Variants in TBC1D9B observed in about 807,000 individuals in gnomAD.
TBC1D9B encodes TBC1 domain family member 9B, also known as TBC1 domain family, member 9B (with GRAM domain).
In TBC1D9B, 87 loss-of-function variants were observed where a neutral mutation model predicts 121.1. The observed-to-expected ratio is 0.72, with a 90% CI of 0.60 to 0.86. The LOEUF (loss-of-function observed/expected upper bound fraction) is 0.86. Ranked by LOEUF, TBC1D9B falls within the 40% of genes least tolerant of loss-of-function variation. TBC1D9B has a pLI of 0.00. For missense variants in TBC1D9B, 1,540 were observed against 1,628.6 expected (o/e 0.95, Z 0.94); for synonymous variants, 668 against 670.1 (o/e 1.00, Z 0.05).
Position 179,890,645 on chromosome 5 carries a change from G to C in TBC1D9B, c.1044+734C>G, listed in dbSNP as rs1027606748. ...AATGGCAGGGAGGTCTTTAAGTTAAGAATCTCACTTGATTCTTCTTATAAT... is the reference window on the plus strand; with the variant it reads ...AATGGCAGGGAGGTCTTTAAGTTAACAATCTCACTTGATTCTTCTTATAAT... On this transcript the variant is annotated intron_variant, in intron 6 of 20. Transcript: ENST00000355235. This position sits in a 1 kb window ranked among gnomAD's most constrained non-coding sequence, Gnocchi z 5.0. Among the ~76,000 whole-genome samples the C allele has an allele frequency of 6.6e-6, 1 of 152,198 alleles. No homozygotes were observed. Among genetic ancestry groups the C allele is most frequent in the East Asian group, 1.9e-4 (1 of 5,198 alleles).
rs1042234243 is a variant in TBC1D9B, at chr5:179,863,227, T to C, written c.*221A>G. 1 of 573,820 alleles carries C rather than the reference T, an allele frequency of 1.7e-6. No homozygotes were observed. The highest frequency in any genetic ancestry group is 3.3e-5 in the Admixed American group (1 of 30,592). The allele number at this position is 573,820 out of a possible 1,614,324, so 35.5% of individuals were successfully genotyped here. A position where few individuals can be genotyped will look rare whatever the true frequency, so the allele number is the denominator to read the frequency against. On this transcript the variant is annotated 3_prime_UTR_variant, in exon 21 of 21. Transcript: ENST00000355235. This position sits in a 1 kb window ranked among gnomAD's most constrained non-coding sequence, Gnocchi z 4.5. The stretch of plus-strand genomic sequence containing the variant: ...TAAGGAAGGTGGGAGCCACAGCCTC[T>C]TCCTGGGCCCAGAAGCAGCCGGCGC...
chr5:179,862,739 TTTTA>T lies in TBC1D9B; in HGVS notation c.*705_*708del, dbSNP rs1484377577. ...ACAGCAAGGCATTGCACACAGTGGT[TTTTA>T]TTTCTTTCAGGGATTTATTAAGGCA... On this transcript the variant is annotated 3_prime_UTR_variant, in exon 21 of 21. Transcript: ENST00000355235. 2 of 374,684 alleles carry T rather than the reference TTTTA, an allele frequency of 5.3e-6. No homozygotes were observed. Among genetic ancestry groups the T allele is most frequent in the Non-Finnish European group, 5.6e-6 (1 of 178,414 alleles). The allele number at this position is 374,684 out of a possible 1,614,324, so 23.2% of individuals were successfully genotyped here.
chr5:179,889,212 G>C (rs1410083185), intron 6 of TBC1D9B, among the ~76,000 whole-genome samples: 2 of 152,010 alleles, frequency 1.3e-5, no homozygotes, highest in Non-Finnish European at 2.9e-5. Flanking sequence ...TGTATTTTTA[G>C]TAGAGACGGG....
Position 179,875,335 on chromosome 5 carries a change from G to A in TBC1D9B, c.1901-148C>T, listed in dbSNP as rs1013744843. 3 of 1,039,836 alleles carry A rather than the reference G, an allele frequency of 2.9e-6. No homozygotes were observed. The highest frequency in any genetic ancestry group is 1.6e-5 in the African/African-American group (1 of 62,122). The allele number at this position is 1,039,836 out of a possible 1,614,324, so 64.4% of individuals were successfully genotyped here. A position where few individuals can be genotyped will look rare whatever the true frequency, so the allele number is the denominator to read the frequency against. On this transcript the variant is annotated intron_variant, in intron 11 of 20. Transcript: ENST00000355235. The surrounding 1 kb of genome is among the most constrained non-coding windows in gnomAD (Gnocchi z 4.5). ...ACTTGGAGTGCTGGGAGAAAACAAG[G>A]ACGAAAAAACCCTTCAAGTCTCTCT...
intron 17 of TBC1D9B, chr5:179,869,516 T>C: frequency 1.5e-6 from 1 of 656,352 alleles, no homozygotes; most frequent in Non-Finnish European, 2.8e-6. Flanking sequence ...GCCTCCTCGG[T>C]GGGAGTTCTG....
chr5:179,865,302 C>T lies in TBC1D9B; in HGVS notation c.2973G>A (p.Glu991=). Residue 991 remains glutamate, a synonymous_variant, in exon 20 of 21, where the codon GAG becomes GAA. Transcript: ENST00000355235. This position sits in a 1 kb window ranked among gnomAD's most constrained non-coding sequence, Gnocchi z 5.1. ...TAATCGTCTCCTTCTGAGCCTCTTT[C>T]TCCTTGGCCCACATTCGAAGGTAGT... ...YRHYLRMWAK[E]KEAQKETIKD... is the part of the protein sequence containing the mutation. 6.2e-7 allele frequency: 1 copy of T among 1,614,144 alleles called. No individual in the cohort carries two copies. Among genetic ancestry groups the T allele is most frequent in the South Asian group, 1.1e-5 (1 of 91,082 alleles).
Position 179,907,707 on chromosome 5 carries a change from T to C in TBC1D9B, c.115A>G (p.Thr39Ala), listed in dbSNP as rs1761364945. Reference sequence around the variant, plus strand: ...CGGCCGCCCGCGCGCCTCTCACCCGTAAGGCCGCCGCCCCTGCCGTGGCCC... The same window carrying C: ...CGGCCGCCCGCGCGCCTCTCACCCGCAAGGCCGCCGCCCCTGCCGTGGCCC... ...RRGHGRGGGL[T>A]GLLVGTLDVV... The change falls in exon 1 of 21, where the codon ACG becomes GCG. Residue 39 changes from threonine to alanine, a missense_variant. Thr to Ala is a moderately conservative substitution (Grantham distance 58, BLOSUM62 0). Transcript: ENST00000355235. The surrounding 1 kb of genome is among the most constrained non-coding windows in gnomAD (Gnocchi z 5.3). The C allele has an allele frequency of 1.7e-6, 2 of 1,155,936 alleles. No homozygotes were observed. The highest frequency in any genetic ancestry group is 2.2e-6 in the Non-Finnish European group (2 of 917,322). The allele number at this position is 1,155,936 out of a possible 1,614,324, so 71.6% of individuals were successfully genotyped here. A position where few individuals can be genotyped will look rare whatever the true frequency, so the allele number is the denominator to read the frequency against.
chr5:179,880,282 A>G (rs1340376823), intron 7 of TBC1D9B, among the ~76,000 whole-genome samples: 1 of 152,172 alleles, frequency 6.6e-6, no homozygotes, highest in African/African-American at 2.4e-5. Context: ...GAGTGTTGGG[A>G]TAACCCAGGG....
rs754583071 is a variant in TBC1D9B at position 179,869,810 on chromosome 5, G to A, written c.2750C>T (p.Thr917Ile). 4.5e-6 allele frequency: 7 copies of A among 1,571,738 alleles called. No individual in the cohort carries two copies. The highest frequency in any genetic ancestry group is 3.6e-5 in the Admixed American group (2 of 55,812). The change falls in exon 17 of 21, where the codon ACA becomes ATA. Residue 917 changes from threonine to isoleucine, a missense_variant. Transcript: ENST00000355235. The part of the protein sequence containing the change: ...GMSGMYHGDL[T>I]EKLKVLYKLH... ...CTTGTAGAGCACCTTGAGCTTCTCTGTCAGGTCCCCGTGGTACATCCCGCC... is the reference window on the plus strand; with the variant it reads ...CTTGTAGAGCACCTTGAGCTTCTCTATCAGGTCCCCGTGGTACATCCCGCC...
rs1212070173 is a variant in TBC1D9B, at chr5:179,862,638, G to C, written c.*810C>G. The C allele has an allele frequency of 4.4e-6, 2 of 453,522 alleles. No homozygotes were observed. Among genetic ancestry groups the C allele is most frequent in the Admixed American group, 2.4e-5 (1 of 42,522 alleles). 28.1% of individuals were successfully genotyped at this position (453,522 alleles called of 1,614,324 possible). On this transcript the variant is annotated 3_prime_UTR_variant, in exon 21 of 21. Transcript: ENST00000355235. ...CCCACTGTGGAGGACTAAGTGTCTTGAACTTCCAGAACACAGCCAGGGCCC... is the reference window on the plus strand; with the variant it reads ...CCCACTGTGGAGGACTAAGTGTCTTCAACTTCCAGAACACAGCCAGGGCCC...
Position 179,904,859 on chromosome 5 carries a change from T to G in TBC1D9B, c.119-47A>C. 8 of 1,442,096 alleles carry G rather than the reference T, an allele frequency of 5.5e-6. No homozygotes were observed. Among genetic ancestry groups the G allele is most frequent in the Non-Finnish European group, 6.6e-6 (7 of 1,063,582 alleles). The allele number at this position is 1,442,096 out of a possible 1,614,324, so 89.3% of individuals were successfully genotyped here. The stretch of plus-strand genomic sequence containing the variant: ...ATAGAGGGTGAGGGGAGGGCCGGAC[T>G]GAGGCCCCTGAAGGCTGAGTCTGGC... On this transcript the variant is annotated intron_variant, in intron 1 of 20. Coordinates refer to ENST00000355235, the MANE Select transcript of TBC1D9B (RefSeq NM_015043.4). The surrounding 1 kb of genome is among the most constrained non-coding windows in gnomAD (Gnocchi z 4.2).
chr5:179,899,117 G>GAAA, intron 3 of TBC1D9B, 72 bp downstream of exon 3: 1 of 1,282,844 alleles, frequency 7.8e-7, no homozygotes, highest in Non-Finnish European at 1.1e-6. Context: ...TCGTGAAGAT[G>GAAA]AAATAGGATA....
intron 7 of TBC1D9B, chr5:179,880,125 GCACACCCCTGCC>G: frequency 3.0e-6 from 1 of 328,840 alleles, no homozygotes; most frequent in East Asian, 6.4e-5. Context: ...TAACGTGGAG[GCACACCCCTGCC>G]CACCCTCGGG....
intron 7 of TBC1D9B, among the ~76,000 whole-genome samples, chr5:179,880,798 CCT>C (rs35532935): frequency 0.44 from 66,431 of 151,670 alleles, 15,288 homozygotes; most frequent in East Asian, 0.76. Flanking sequence ...CCCTCTGGCC[CCT>C]GTGATGTTAG....
At chr5:179,886,109 A>G (rs1009104793) in intron 7 of TBC1D9B, among the ~76,000 whole-genome samples, 3 of 152,174 alleles carry the variant, frequency 2.0e-5, no homozygotes, top group East Asian at 1.9e-4. Context: ...GAGGTTGCCC[A>G]TGAGCAACAG....
At chr5:179,870,162 C>T in intron 16 of TBC1D9B, 93 bp downstream of exon 16, 1 of 1,552,290 alleles carries the variant, frequency 6.4e-7, no homozygotes, top group South Asian at 1.2e-5. Context: ...CTACTTGCTG[C>T]AGGGGGAACA....
At chr5:179,886,980 TA>T (rs1408010531) in intron 7 of TBC1D9B, among the ~76,000 whole-genome samples, 1 of 152,186 alleles carries the variant, frequency 6.6e-6, no homozygotes, top group East Asian at 1.9e-4. Flanking sequence ...TCAAGTTGCT[TA>T]AATCCATACG....
intron 18 of TBC1D9B, 166 bp from the exon 19 acceptor site, chr5:179,866,054 C>T (rs1242674840): frequency 4.1e-6 from 3 of 723,684 alleles, no homozygotes; most frequent in Non-Finnish European, 6.9e-6. Flanking sequence ...CCGCCCAGCC[C>T]CGCCCTATGG....
rs934684036 is a variant in TBC1D9B, at chr5:179,902,421, G to A, written c.229+2281C>T. Among the ~76,000 whole-genome samples, 3 of 152,190 alleles carry A rather than the reference G, an allele frequency of 2.0e-5. No individual in the cohort carries two copies. Among genetic ancestry groups the A allele is most frequent in the Admixed American group, 1.3e-4 (2 of 15,286 alleles). On this transcript the variant is annotated intron_variant, in intron 2 of 20. Coordinates refer to ENST00000355235, the MANE Select transcript of TBC1D9B (RefSeq NM_015043.4). This position sits in a 1 kb window ranked among gnomAD's most constrained non-coding sequence, Gnocchi z 4.9. Reference sequence around the variant, plus strand: ...TCAAGGGTCAGGACTCACTAAGCAGGTGCTGGCAGGGCCATGTCTGGTCTT... The same window carrying A: ...TCAAGGGTCAGGACTCACTAAGCAGATGCTGGCAGGGCCATGTCTGGTCTT...
Sources: gnomAD v4.1 joint callset for allele counts (sites outside exome capture counted in the v4.1 genomes callset) on GRCh38, gnomAD v4.1.1 for gene constraint, Gnocchi (gnomAD v3.1) non-coding constraint, MANE v1.5 for transcripts, NCBI Gene and HGNC (gene_info 2026-07-23, HGNC 2026-07-21) for gene names.